The following SPAG17 variants were observed in gnomAD, a reference collection of about 807,000 sequenced individuals.
The protein encoded by SPAG17 is sperm associated antigen 17.
Under a neutral mutation model 273.6 loss-of-function variants are expected in SPAG17, and 169 were observed. The ratio of observed to expected loss-of-function variants is 0.62; its 90% CI spans 0.55 to 0.70. The LOEUF is 0.70. Ranked by LOEUF, SPAG17 falls within the 30% of genes least tolerant of loss-of-function variation. The pLI is 0.00. For synonymous variants in SPAG17, 825 were observed against 873.2 expected, an observed-to-expected ratio of 0.94 and a Z score of 0.97; for missense variants, 2,557 against 2,627.8, an observed-to-expected ratio of 0.97 and a Z score of 0.59.
At chr1:118,134,261 A>G (rs1402307961) in intron 3 of SPAG17, among the ~76,000 whole-genome samples, 2 of 152,190 alleles carry the variant, frequency 1.3e-5, no homozygotes, top group Non-Finnish European at 2.9e-5. Flanking sequence ...CATGCTTTTT[A>G]TTATATATAC....
intron 32 of SPAG17, among the ~76,000 whole-genome samples, chr1:117,999,227 C>T (rs537772160): frequency 3.8e-4 from 58 of 152,236 alleles, no homozygotes; most frequent in African/African-American, 1.3e-3. Flanking sequence ...TCCAGTCTAT[C>T]ATTGATGGAT....
At chr1:117,973,958 G>A (rs1242205548) in intron 43 of SPAG17, among the ~76,000 whole-genome samples, 1 of 152,108 alleles carries the variant, frequency 6.6e-6, no homozygotes, top group Admixed American at 6.5e-5. Context: ...TAGAATAATG[G>A]CTTGCAGCTG....
chr1:118,178,095 C>T (rs1282003679), intron 1 of SPAG17, among the ~76,000 whole-genome samples: 1 of 152,078 alleles, frequency 6.6e-6, no homozygotes, highest in Non-Finnish European at 1.5e-5. Flanking sequence ...GATACCAAAA[C>T]CACATAAAGA....
At chr1:118,042,725 T>C (rs1354009622) in intron 20 of SPAG17, among the ~76,000 whole-genome samples, 1 of 152,196 alleles carries the variant, frequency 6.6e-6, no homozygotes, top group Non-Finnish European at 1.5e-5. Flanking sequence ...CTTTACTTCA[T>C]TCTCTCCATT....
In SPAG17 at chr1:118,041,908, C is replaced by T; in HGVS notation, c.2949G>A (p.Leu983=). 5 of 1,613,872 alleles carry T rather than the reference C, an allele frequency of 3.1e-6. No individual in the cohort carries two copies. The highest frequency in any genetic ancestry group is 4.2e-6 in the Non-Finnish European group (5 of 1,179,864). The change falls in exon 21 of 49, where the codon TTG becomes TTA. Residue 983 remains leucine, a synonymous_variant. Transcript: ENST00000336338. ...TCTCCTTGTAAGGTGATTTTTTCTT[C>T]AAAGACCTACTATCCTCTTTCTCTG... ...DNAEKEDSRS[L]KKKSPYKEKS...
chr1:118,138,931 C>G (rs1455245660), intron 3 of SPAG17, among the ~76,000 whole-genome samples: 1 of 152,110 alleles, frequency 6.6e-6, no homozygotes, highest in African/African-American at 2.4e-5. Flanking sequence ...ACATATGTGA[C>G]TTAAACTATC....
intron 3 of SPAG17, among the ~76,000 whole-genome samples, chr1:118,127,608 G>A (rs1428910388): frequency 6.6e-6 from 1 of 152,158 alleles, no homozygotes; most frequent in Non-Finnish European, 1.5e-5. Flanking sequence ...TTTGGGTAGG[G>A]ACAAATATCT....
chr1:118,073,757 G>C (rs951636876), intron 17 of SPAG17, 97 bp downstream of exon 17: 3 of 769,584 alleles, frequency 3.9e-6, no homozygotes, highest in African/African-American at 3.7e-5. Flanking sequence ...ATCTGAACTA[G>C]ATCTGAGAGA....
At chr1:118,094,736 A>G (rs1424163177) in intron 7 of SPAG17, among the ~76,000 whole-genome samples, 2 of 152,220 alleles carry the variant, frequency 1.3e-5, no homozygotes, top group Non-Finnish European at 2.9e-5. Flanking sequence ...TCTAGAATCC[A>G]ATTTAATGAC....
At chr1:117,996,987 T>A (rs2101682398) in intron 32 of SPAG17, among the ~76,000 whole-genome samples, 2 of 152,062 alleles carry the variant, frequency 1.3e-5, no homozygotes, top group Middle Eastern at 6.8e-3. Context: ...CAGAATGAAG[T>A]GAATAGGATG....
Position 118,097,699 on chromosome 1 carries a change from G to C in SPAG17, c.982C>G (p.Pro328Ala). Residue 328 changes from proline (P) to alanine (A), a missense_variant, in exon 7 of 49, where the codon CCT (proline) becomes GCT (alanine). Pro to Ala is a conservative substitution (Grantham distance 27). Transcript: ENST00000336338. ...LEYMVKAADF[P>A]SDWSDGEMML... Reference sequence around the variant, plus strand: ...ATCTCACCATCTGACCAGTCAGAAGGAAAATCAGCTGCTTTGACCATGTAC... The same window carrying C: ...ATCTCACCATCTGACCAGTCAGAAGCAAAATCAGCTGCTTTGACCATGTAC... The C allele has an allele frequency of 6.2e-7, 1 of 1,604,524 alleles. No homozygotes were observed. Among genetic ancestry groups the C allele is most frequent in the Admixed American group, 1.7e-5 (1 of 57,780 alleles).
At chr1:118,091,120 A>G (rs1007808766) in intron 10 of SPAG17, among the ~76,000 whole-genome samples, 2 of 152,176 alleles carry the variant, frequency 1.3e-5, no homozygotes, top group African/African-American at 4.8e-5. Context: ...TTTAAAACAT[A>G]TTTAAGTGAA....
chr1:118,055,872 A>T lies in SPAG17; in HGVS notation c.2583T>A (p.Ile861=). The part of the protein sequence containing the change: ...ELVAKSIQDW[I]TKEEAIYQES... ...CCTGATATATAGCTTCTTCTTTTGT[A>T]ATCCAATCTTGAATAGATTTTGCAA... Residue 861 remains isoleucine (I), a synonymous_variant, in exon 19 of 49, where the codon ATT becomes ATA. Transcript: ENST00000336338. The T allele has an allele frequency of 6.2e-7, 1 of 1,611,386 alleles. No individual in the cohort carries two copies. Among genetic ancestry groups the T allele is most frequent in the South Asian group, 1.1e-5 (1 of 90,254 alleles).
chr1:118,081,545 A>C lies in SPAG17; in HGVS notation c.1860T>G (p.Pro620=). ...SEVDEKGKLK[P]SGMMCGSDSE... ...AATCTGACCCACACATCATCCCAGA[A>C]GGTTTCAGTTTCCCTTTTTCATCAA... The change falls in exon 14 of 49, where the codon CCT becomes CCG. Residue 620 remains proline, a synonymous_variant. Transcript: ENST00000336338. The C allele has an allele frequency of 6.2e-7, 1 of 1,614,022 alleles. No individual in the cohort carries two copies. Among genetic ancestry groups the C allele is most frequent in the South Asian group, 1.1e-5 (1 of 91,080 alleles).
chr1:118,036,707 T>C, intron 24 of SPAG17, 63 bp downstream of exon 24: 1 of 1,047,422 alleles, frequency 9.5e-7, no homozygotes, highest in South Asian at 1.4e-5. Flanking sequence ...AGACTGAGAA[T>C]GGGCAGTGGC....
intron 3 of SPAG17, among the ~76,000 whole-genome samples, chr1:118,146,404 A>G (rs902461505): frequency 2.0e-5 from 3 of 152,236 alleles, no homozygotes; most frequent in Non-Finnish European, 4.4e-5. Context: ...ATTTGTGCAT[A>G]GGTAGCAAGT....
chr1:118,066,382 T>C (rs1652968891), intron 18 of SPAG17, among the ~76,000 whole-genome samples: 1 of 152,154 alleles, frequency 6.6e-6, no homozygotes, highest in Admixed American at 6.5e-5. Context: ...CCAGATAAAA[T>C]AGAGTTAAAA....
In SPAG17 at chr1:117,984,242, C is replaced by T. The variant is rs114938656; in HGVS notation, c.5770-329G>A. On this transcript the variant is annotated intron_variant, in intron 41 of 48. Coordinates refer to ENST00000336338, the MANE Select transcript of SPAG17 (RefSeq NM_206996.4). ...GTCCTACAGGTAGGCTGAAATAGAA[C>T]AGGAGAAGAGCGTTCTCCCTCCCTG... Among the ~76,000 whole-genome samples the T allele has an allele frequency of 6.4e-3, 982 of 152,280 alleles. 12 individuals carry two copies. Among genetic ancestry groups the T allele is most frequent in the African/African-American group, 0.022 (919 of 41,556 alleles).
At chr1:118,156,710 C>A (rs1659666329) in intron 1 of SPAG17, among the ~76,000 whole-genome samples, 1 of 152,220 alleles carries the variant, frequency 6.6e-6, no homozygotes, top group Non-Finnish European at 1.5e-5. Context: ...TTCCTACTTT[C>A]TCCCGTCTCC....
Sources: allele counts gnomAD v4.1 joint callset (sites outside exome capture counted in the v4.1 genomes callset), GRCh38; gene constraint gnomAD v4.1.1; transcripts MANE v1.5; gene names NCBI Gene and HGNC (gene_info 2026-07-23, HGNC 2026-07-21).